The following ADA2 variants were observed in gnomAD, a reference collection of about 807,000 sequenced individuals.
The protein encoded by ADA2 is adenosine deaminase 2.
A neutral mutation model predicts 44.2 loss-of-function variants in ADA2; 29 were observed. That is an observed-to-expected ratio of 0.66 (90% CI 0.49 to 0.89). The LOEUF is 0.89. Ranked by LOEUF, ADA2 falls within the 40% of genes least tolerant of loss-of-function variation. The probability of loss-of-function intolerance (pLI) is 0.00; values close to 1 mark genes in which losing one functional copy is unlikely to be tolerated. For missense variants in ADA2, 637 were observed against 644.8 expected (o/e 0.99, Z 0.13); for synonymous variants, 215 against 234.9 (o/e 0.92, Z 0.77).
intron 4 of ADA2, among the ~76,000 whole-genome samples, chr22:17,202,286 C>T (rs986315486): frequency 3.3e-5 from 5 of 152,086 alleles, no homozygotes; most frequent in African/African-American, 7.2e-5. Context: ...TGCGCCATCG[C>T]GCCCAGCTAA....
intron 5 of ADA2, among the ~76,000 whole-genome samples, chr22:17,191,094 G>A (rs1054472533): frequency 1.3e-5 from 2 of 152,212 alleles, no homozygotes; most frequent in African/African-American, 2.4e-5. Context: ...GCCTTAGACT[G>A]GCTGCTCTTT....
intron 5 of ADA2, 42 bp from the exon 6 acceptor site, chr22:17,190,074 CG>C: frequency 6.9e-7 from 1 of 1,448,734 alleles, no homozygotes; most frequent in East Asian, 2.3e-5. Flanking sequence ...TGCCCAGCAC[CG>C]ACAGAGCACA....
At chr22:17,215,520 T>G (rs1468937169) in intron 1 of ADA2, among the ~76,000 whole-genome samples, 1 of 150,406 alleles carries the variant, frequency 6.6e-6, no homozygotes, top group Non-Finnish European at 1.5e-5. Context: ...GCAGGAGAAT[T>G]GCTTGAACCC....
rs1368571434 is a variant in ADA2, at chr22:17,188,096, GAAGAAGAA to G, written c.1081+235_1081+242del. On this transcript the variant is annotated intron_variant, in intron 7 of 9. Coordinates refer to ENST00000399837, the MANE Select transcript of ADA2 (RefSeq NM_001282225.2). Reference sequence around the variant, plus strand: ...CCGTAAAAAAAAGAAAAAAAAAGAAGAAGAAGAAAAGAAAACAGGAAGGAAAGAAGAAA... The same window carrying G: ...CCGTAAAAAAAAGAAAAAAAAAGAAGAAGAAAACAGGAAGGAAAGAAGAAA... Among the ~76,000 whole-genome samples, 203 of 102,634 alleles carry G rather than the reference GAAGAAGAA, an allele frequency of 2.0e-3. 2 individuals are homozygous for G. The highest frequency in any genetic ancestry group is 6.3e-3 in the African/African-American group (195 of 30,930). 67.3% of individuals were successfully genotyped at this position (102,634 alleles called of 152,430 possible).
intron 3 of ADA2, 30 bp from the exon 4 acceptor site, chr22:17,203,803 G>A: frequency 6.5e-7 from 1 of 1,533,780 alleles, no homozygotes; most frequent in Non-Finnish European, 9.0e-7. Flanking sequence ...GGGAGTGGCA[G>A]AGGCATGATC....
upstream of ADA2, among the ~76,000 whole-genome samples, chr22:17,220,249 G>A (rs574985066): frequency 2.6e-5 from 4 of 152,262 alleles, no homozygotes; most frequent in East Asian, 7.7e-4. Flanking sequence ...GGGGGCAGGA[G>A]GTAGGAGACA....
At chr22:17,207,022 G>T in intron 3 of ADA2, 49 bp downstream of exon 3, 1 of 1,438,240 alleles carries the variant, frequency 7.0e-7, no homozygotes, top group Non-Finnish European at 9.8e-7. Context: ...CCTACCCACT[G>T]CCACCCCATG....
At position 17,203,752 on chromosome 22, in the gene ADA2, C is replaced by T; in HGVS notation, c.564G>A (p.Leu188=). 6.2e-7 allele frequency: 1 copy of T among 1,613,796 alleles called. No homozygotes were observed. Among genetic ancestry groups the T allele is most frequent in the Non-Finnish European group, 8.5e-7 (1 of 1,179,790 alleles). The change falls in exon 4 of 10, where the codon CTG becomes CTA. Residue 188 remains leucine, a synonymous_variant. Transcript: ENST00000399837. The part of the protein sequence containing the change: ...FDDSLLRNFT[L]VTQHPEVIYT... The stretch of plus-strand genomic sequence containing the variant: ...AAATCACCTCCGGGTGCTGGGTCAC[C>T]AGAGTGAAATTCCTCAGCAAGCTGT...
At chr22:17,205,954 T>C (rs1021161560) in intron 3 of ADA2, among the ~76,000 whole-genome samples, 2 of 152,190 alleles carry the variant, frequency 1.3e-5, no homozygotes, top group Non-Finnish European at 2.9e-5. Context: ...GAGCCGAGAT[T>C]GTGCCACTGC....
At chr22:17,188,692 A>G (rs1190751816) in intron 6 of ADA2, 1 of 278,216 alleles carries the variant, frequency 3.6e-6, no homozygotes, top group African/African-American at 2.2e-5. Context: ...ATCCTGGCTA[A>G]CACAGTGAAA....
At position 17,219,343 on chromosome 22, in the gene ADA2, G is replaced by C. The variant is rs2062502870; in HGVS notation, c.-47+13C>G. On this transcript the variant is annotated intron_variant, in intron 1 of 9. Transcript: ENST00000399837. ...ACCTCATCATCCCACAGCTCCCAAA[G>C]GACCCCAGTTACCTCGGAACAGCTC... 1 of 152,380 alleles carries C rather than the reference G, an allele frequency of 6.6e-6. No individual in the cohort carries two copies. Among genetic ancestry groups the C allele is most frequent in the Non-Finnish European group, 1.5e-5 (1 of 68,204 alleles). The allele number at this position is 152,380 out of a possible 1,614,324, so 9.4% of individuals were successfully genotyped here.
chr22:17,207,686 A>T (rs1292142401), intron 2 of ADA2, among the ~76,000 whole-genome samples: 1 of 152,116 alleles, frequency 6.6e-6, no homozygotes, highest in East Asian at 1.9e-4. Flanking sequence ...CTGAGGTTCA[A>T]GTCAGGGCTC....
chr22:17,183,963 T>TTC (rs900791949), intron 7 of ADA2, among the ~76,000 whole-genome samples: 10 of 128,992 alleles, frequency 7.8e-5, no homozygotes, highest in Non-Finnish European at 1.1e-4. Flanking sequence ...TTCTTTTTTT[T>TTC]TTTTTTTTTT....
At chr22:17,183,565 G>C (rs1327011881) in intron 7 of ADA2, among the ~76,000 whole-genome samples, 1 of 149,540 alleles carries the variant, frequency 6.7e-6, no homozygotes, top group African/African-American at 2.5e-5. Flanking sequence ...GGTTCAAGCG[G>C]ATTCTCCTGC....
rs751192866 is a variant in ADA2 at position 17,182,723 on chromosome 22, C to T, written c.1120G>A (p.Ala374Thr). 6.2e-7 allele frequency: 1 copy of T among 1,613,960 alleles called. No homozygotes were observed. The highest frequency in any genetic ancestry group is 8.5e-7 in the Non-Finnish European group (1 of 1,180,024). Residue 374 changes from alanine to threonine, a missense_variant, in exon 8 of 10, where the codon GCT becomes ACT. Transcript: ENST00000399837. ...GTSIDRNILDALMLNTTRIGH... is the reference protein window; with the variant it reads ...GTSIDRNILDTLMLNTTRIGH... ...ATTCTGGTAGTGTTCAGCATCAGAGCATCCAGAATGTTCCTGTCTATGGAA... is the reference window on the plus strand; with the variant it reads ...ATTCTGGTAGTGTTCAGCATCAGAGTATCCAGAATGTTCCTGTCTATGGAA...
At chr22:17,192,986 C>T (rs2062139516) in intron 4 of ADA2, 14 of 629,976 alleles carry the variant, frequency 2.2e-5, no homozygotes, top group Middle Eastern at 2.7e-4. Flanking sequence ...CTGACCAATA[C>T]GTCAAAATTA....
chr22:17,221,770 C>G (rs1039407355), upstream of ADA2: 14 of 151,770 alleles, frequency 9.2e-5, no homozygotes, highest in African/African-American at 3.4e-4. Context: ...CCAGTTAGAT[C>G]CTGGAGGCTG....
chr22:17,182,852 A>G, intron 7 of ADA2, 91 bp from the exon 8 acceptor site: 2 of 1,343,120 alleles, frequency 1.5e-6, no homozygotes, highest in Non-Finnish European at 2.0e-6. Flanking sequence ...CCCCCCGACC[A>G]TCCTCAAATA....
chr22:17,184,255 C>G lies in ADA2; in HGVS notation c.1082-1494G>C, dbSNP rs1033979252. The stretch of plus-strand genomic sequence containing the variant: ...CTGGGATTACAGGCGTGAGCCACCA[C>G]GCCCGGCCCCATCACACCTTTCTTG... On this transcript the variant is annotated intron_variant, in intron 7 of 9. Transcript: ENST00000399837. Among the ~76,000 whole-genome samples the G allele has an allele frequency of 2.6e-5, 4 of 152,090 alleles. No individual in the cohort carries two copies. The East Asian group carries it at 7.7e-4, about 29-fold the overall frequency.
Sources: allele counts gnomAD v4.1 joint callset (sites outside exome capture counted in the v4.1 genomes callset), GRCh38; gene constraint gnomAD v4.1.1; transcripts MANE v1.5; gene names NCBI Gene and HGNC (gene_info 2026-07-23, HGNC 2026-07-21).